EPB41L1: variants seen among roughly 807,000 people sequenced by gnomAD.
EPB41L1 encodes erythrocyte membrane protein band 4.1 like 1.
A neutral mutation model predicts 97.8 loss-of-function variants in EPB41L1; 29 were observed. The observed-to-expected ratio is 0.30, with a 90% CI of 0.22 to 0.40. The LOEUF is 0.40. Ranked by LOEUF, EPB41L1 falls within the 10% of genes least tolerant of loss-of-function variation. EPB41L1 has a pLI of 1.00. For synonymous variants in EPB41L1, 383 were observed against 459.2 expected, an observed-to-expected ratio of 0.83 and a Z score of 2.12; for missense variants, 812 against 1,162.3, an observed-to-expected ratio of 0.70 and a Z score of 4.38.
intron 2 of EPB41L1, among the ~76,000 whole-genome samples, chr20:36,143,809 A>T (rs2059734663): frequency 6.6e-6 from 1 of 151,932 alleles, no homozygotes; most frequent in African/African-American, 2.4e-5. Context: ...TTTTCAAAGG[A>T]AATCAGGACC....
At chr20:36,141,712 A>G (rs1158968917) in intron 2 of EPB41L1, among the ~76,000 whole-genome samples, 1 of 152,260 alleles carries the variant, frequency 6.6e-6, no homozygotes, top group Non-Finnish European at 1.5e-5. Flanking sequence ...CCAAATGTAC[A>G]CAAAAGAAAT....
Position 36,190,867 on chromosome 20 carries a change from G to A in EPB41L1, c.1300+70G>A. The A allele has an allele frequency of 6.3e-7, 1 of 1,584,750 alleles. No homozygotes were observed. The highest frequency in any genetic ancestry group is 8.6e-7 in the Non-Finnish European group (1 of 1,168,128). ...GGAACTGGGGGAGTGGGCATGCTGGGTTCTGCAGAATGAGCAGGAAAATGG... is the reference window on the plus strand; with the variant it reads ...GGAACTGGGGGAGTGGGCATGCTGGATTCTGCAGAATGAGCAGGAAAATGG... On this transcript the variant is annotated intron_variant, in intron 11 of 21. Coordinates refer to ENST00000338074, the MANE Select transcript of EPB41L1 (RefSeq NM_012156.2). The surrounding 1 kb of genome is among the most constrained non-coding windows in gnomAD (Gnocchi z 5.8).
intron 2 of EPB41L1, among the ~76,000 whole-genome samples, chr20:36,121,294 C>T (rs899490305): frequency 6.6e-6 from 1 of 152,164 alleles, no homozygotes; most frequent in Non-Finnish European, 1.5e-5. Flanking sequence ...GAAAGCAGAA[C>T]TTCATATCGT....
rs545857654 is a variant in EPB41L1 at position 36,179,293 on chromosome 20, A to G, written c.490+621A>G. Among the ~76,000 whole-genome samples, 36 of 152,274 alleles carry G rather than the reference A, an allele frequency of 2.4e-4. No individual in the cohort carries two copies. The South Asian group carries it at 2.9e-3, about 12-fold the overall frequency. ...AGGGACCTGCAGAGCCATCTAGGAC[A>G]AAGGACAAGCAGATGGGCTGGAAAC... On this transcript the variant is annotated intron_variant, in intron 5 of 21. Transcript: ENST00000338074.
At chr20:36,199,457 C>T (rs531189026) in intron 14 of EPB41L1, among the ~76,000 whole-genome samples, 4 of 152,362 alleles carry the variant, frequency 2.6e-5, no homozygotes, top group South Asian at 2.1e-4. Context: ...ATTAGCAGAG[C>T]ATTTTATTGG....
Position 36,209,979 on chromosome 20 carries a change from A to G in EPB41L1, c.2079+81A>G, listed in dbSNP as rs1393762714. ...CCCTGGGCCACCCGTGAGAAGACCG[A>G]GCACCCAGCCTGCAGCCTGAAGCTC... is the stretch of plus-strand genomic sequence containing the variant. On this transcript the variant is annotated intron_variant, in intron 15 of 21. Transcript: ENST00000338074. This position sits in a 1 kb window ranked among gnomAD's most constrained non-coding sequence, Gnocchi z 4.2. 1.3e-6 allele frequency: 2 copies of G among 1,533,316 alleles called. No homozygotes were observed. The highest frequency in any genetic ancestry group is 1.8e-6 in the Non-Finnish European group (2 of 1,129,200). The allele number at this position is 1,533,316 out of a possible 1,614,324, so 95.0% of individuals were successfully genotyped here.
chr20:36,095,940 C>T (rs1022433861), intron 1 of EPB41L1, among the ~76,000 whole-genome samples: 12 of 151,824 alleles, frequency 7.9e-5, no homozygotes, highest in Admixed American at 2.6e-4. Context: ...GCAGGAGAAT[C>T]GCTTGAACCC....
intron 14 of EPB41L1, among the ~76,000 whole-genome samples, chr20:36,204,211 G>C (rs1319937361): frequency 6.6e-6 from 1 of 152,188 alleles, no homozygotes; most frequent in Non-Finnish European, 1.5e-5. Flanking sequence ...AGTTGGGGCA[G>C]TGAGGAGGGA....
intron 2 of EPB41L1, among the ~76,000 whole-genome samples, chr20:36,143,138 TG>T (rs1248324631): frequency 4.1e-5 from 1 of 24,286 alleles, no homozygotes. Context: ...AGGGTGTGTT[TG>T]TGTGTGTGTG....
At chr20:36,141,010 G>A (rs1391507158) in intron 2 of EPB41L1, among the ~76,000 whole-genome samples, 1 of 152,226 alleles carries the variant, frequency 6.6e-6, no homozygotes, top group African/African-American at 2.4e-5. Context: ...GGCCCCAGAT[G>A]GGGTTTTGTG....
Position 36,178,061 on chromosome 20 carries a change from C to G in EPB41L1, c.447+5C>G. 1 of 1,611,566 alleles carries G rather than the reference C, an allele frequency of 6.2e-7. No homozygotes were observed. The highest frequency in any genetic ancestry group is 8.5e-7 in the Non-Finnish European group (1 of 1,177,786). On this transcript the variant is annotated splice_donor_5th_base_variant and intron_variant, in intron 4 of 21. Coordinates refer to ENST00000338074, the MANE Select transcript of EPB41L1 (RefSeq NM_012156.2). Reference sequence around the variant, plus strand: ...TGTGATGCTGACAGCCAGAAGGTACCTGGGCTAGGGAGCAGGGTGGGACCT... The same window carrying G: ...TGTGATGCTGACAGCCAGAAGGTACGTGGGCTAGGGAGCAGGGTGGGACCT...
Position 36,195,293 on chromosome 20 carries a change from C to T in EPB41L1, c.1450-36C>T, listed in dbSNP as rs1569278556. 5 of 1,613,930 alleles carry T rather than the reference C, an allele frequency of 3.1e-6. No homozygotes were observed. Among genetic ancestry groups the T allele is most frequent in the Non-Finnish European group, 4.2e-6 (5 of 1,179,872 alleles). On this transcript the variant is annotated intron_variant, in intron 12 of 21. Coordinates refer to ENST00000338074, the MANE Select transcript of EPB41L1 (RefSeq NM_012156.2). The surrounding 1 kb of genome is among the most constrained non-coding windows in gnomAD (Gnocchi z 4.6). ...CTCTAATCCATCTGCTCTACTGACC[C>T]TGCTGCTTTCTTTCCCTCCTACCAC...
At position 36,188,415 on chromosome 20, in the gene EPB41L1, G is replaced by A. The variant is rs141398544; in HGVS notation, c.942G>A (p.Leu314=). 1.6e-4 allele frequency: 264 copies of A among 1,614,028 alleles called. No individual in the cohort carries two copies. Among genetic ancestry groups the A allele is most frequent in the Admixed American group, 6.2e-4 (37 of 60,008 alleles). Residue 314 remains leucine (L), a synonymous_variant, in exon 9 of 22, where the codon CTG becomes CTA. Coordinates refer to ENST00000338074, the MANE Select transcript of EPB41L1 (RefSeq NM_012156.2). ...GCCTGCTCATCTACCGGGACCGGCT[G>A]AGAATCAACCGCTTTGCCTGGCCCA... ...ANGLLIYRDR[L]RINRFAWPKI...
Position 36,187,676 on chromosome 20 carries a change from G to C in EPB41L1, c.786G>C (p.Arg262Ser), listed in dbSNP as rs1488799475. The C allele has an allele frequency of 1.2e-6, 2 of 1,613,962 alleles. No homozygotes were observed. Among genetic ancestry groups the C allele is most frequent in the Non-Finnish European group, 1.7e-6 (2 of 1,179,918 alleles). Residue 262 changes from arginine to serine, a missense_variant and splice_region_variant, in exon 8 of 22, where the codon AGG (arginine) becomes AGC (serine). By Grantham distance (110) the Arg-to-Ser change is moderately radical. Transcript: ENST00000338074. Reference protein sequence around the residue: ...ERIMELHKTYRGMTPGEAEIH... With the variant: ...ERIMELHKTYSGMTPGEAEIH... ...CCTGTGATCACTTTCTTTCCCTCAGGGGGATGACCCCGGGAGAAGCAGAAA... is the reference window on the plus strand; with the variant it reads ...CCTGTGATCACTTTCTTTCCCTCAGCGGGATGACCCCGGGAGAAGCAGAAA...
intron 2 of EPB41L1, among the ~76,000 whole-genome samples, chr20:36,132,382 C>G (rs542300404): frequency 6.6e-6 from 1 of 152,020 alleles, no homozygotes; most frequent in Non-Finnish European, 1.5e-5. Context: ...ATATCTCCTC[C>G]GATTCCCCCA....
Position 36,188,265 on chromosome 20 carries a change from G to C in EPB41L1, c.874-82G>C, listed in dbSNP as rs1250375866. 4 of 1,588,538 alleles carry C rather than the reference G, an allele frequency of 2.5e-6. No individual in the cohort carries two copies. In the East Asian group the frequency reaches 9.0e-5, roughly 36 times the overall value. On this transcript the variant is annotated intron_variant, in intron 8 of 21. Transcript: ENST00000338074. ...GAGAGCTCGTTACAAGCAGCGCACA[G>C]GGCAGTGTTTTCGGGGTGGGTGGTA...
intron 2 of EPB41L1, among the ~76,000 whole-genome samples, chr20:36,113,537 T>C (rs1165986377): frequency 7.2e-6 from 1 of 138,788 alleles, no homozygotes; most frequent in Admixed American, 7.6e-5. Context: ...GTAGAATGAA[T>C]GGTGGGCAGA....
Position 36,197,991 on chromosome 20 carries a change from T to G in EPB41L1, c.1618T>G (p.Ser540Ala), listed in dbSNP as rs2062294771. 6.2e-7 allele frequency: 1 copy of G among 1,613,164 alleles called. No homozygotes were observed. Among genetic ancestry groups the G allele is most frequent in the Non-Finnish European group, 8.5e-7 (1 of 1,179,778 alleles). The change falls in exon 14 of 22, where the codon TCC becomes GCC. Residue 540 changes from serine to alanine, a missense_variant. Ser to Ala is a moderately conservative substitution (Grantham distance 99). Coordinates refer to ENST00000338074, the MANE Select transcript of EPB41L1 (RefSeq NM_012156.2). ...RDWERERRLP[S>A]SPASPSPKGT... is the part of the protein sequence containing the mutation. ...CTGGGAACGGGAGCGCAGGCTGCCCTCCTCCCCCGCCTCCCCCTCCCCCAA... is the reference window on the plus strand; with the variant it reads ...CTGGGAACGGGAGCGCAGGCTGCCCGCCTCCCCCGCCTCCCCCTCCCCCAA...
In EPB41L1 at chr20:36,190,792, A is replaced by T; in HGVS notation, c.1295A>T (p.Asp432Val). 1 of 1,613,816 alleles carries T rather than the reference A, an allele frequency of 6.2e-7. No individual in the cohort carries two copies. Among genetic ancestry groups the T allele is most frequent in the Non-Finnish European group, 8.5e-7 (1 of 1,180,032 alleles). ...CGGTACACCATGTCCCGCAGCCTTG[A>T]TGGAGGTATGGCCCAAATTGGAGGG... ...SKRYTMSRSL[D>V]GAEFSRPASV... Residue 432 changes from aspartate to valine, a missense_variant, in exon 11 of 22, where the codon GAT becomes GTT. By Grantham distance (152) the Asp-to-Val change is radical (BLOSUM62 -3). Transcript: ENST00000338074. The surrounding 1 kb of genome is among the most constrained non-coding windows in gnomAD (Gnocchi z 5.8).
Sources: allele counts gnomAD v4.1 joint callset (sites outside exome capture counted in the v4.1 genomes callset), GRCh38; gene constraint gnomAD v4.1.1; non-coding constraint Gnocchi (gnomAD v3.1); transcripts MANE v1.5; gene names NCBI Gene and HGNC (gene_info 2026-07-23, HGNC 2026-07-21).